CEP83: variants seen among roughly 807,000 people sequenced by gnomAD.
CEP83 encodes centrosomal protein 83, also known as centrosomal protein of 83 kDa.
Under a neutral mutation model 101.9 loss-of-function variants are expected in CEP83, and 70 were observed. That is an observed-to-expected ratio of 0.69 (90% CI 0.57 to 0.84). The LOEUF (loss-of-function observed/expected upper bound fraction) is 0.84, where lower values mean the gene tolerates loss of function less well. Among genes scored for constraint, CEP83 ranks in the 40% least tolerant of loss-of-function variants. The pLI is 0.00. For synonymous variants in CEP83, 264 were observed against 267.9 expected, an observed-to-expected ratio of 0.99 and a Z score of 0.14; for missense variants, 715 against 787.2, an observed-to-expected ratio of 0.91 and a Z score of 1.10.
At chr12:94,310,230 T>TA (rs1051385219) in intron 15 of CEP83, 123 bp from the exon 16 acceptor site, 27 of 377,882 alleles carry the variant, frequency 7.1e-5, no homozygotes, top group Admixed American at 7.1e-4. Context: ...AATATATAGA[T>TA]AAAAAATCTG....
At chr12:94,384,566 G>A (rs2062028268) in intron 6 of CEP83, among the ~76,000 whole-genome samples, 1 of 152,084 alleles carries the variant, frequency 6.6e-6, no homozygotes, top group African/African-American at 2.4e-5. Context: ...AGGATACTGA[G>A]AATCTGTTTA....
chr12:94,331,516 G>C (rs145510261), intron 14 of CEP83, among the ~76,000 whole-genome samples, 184 bp downstream of exon 14: 4 of 151,404 alleles, frequency 2.6e-5, no homozygotes, highest in Non-Finnish European at 4.4e-5. Flanking sequence ...ACAGGCGCCC[G>C]CCACTATGCC....
At chr12:94,430,394 T>C (rs2065530339) in intron 2 of CEP83, among the ~76,000 whole-genome samples, 1 of 150,912 alleles carries the variant, frequency 6.6e-6, no homozygotes, top group South Asian at 2.1e-4. Context: ...TCCTAGAATA[T>C]GAATGAGAAA....
chr12:94,329,109 G>T (rs2059097667), intron 14 of CEP83, among the ~76,000 whole-genome samples: 1 of 152,030 alleles, frequency 6.6e-6, no homozygotes, highest in Non-Finnish European at 1.5e-5. Context: ...ATTTCACTAT[G>T]ACTTAAATCA....
At chr12:94,355,394 G>A (rs544865030) in intron 11 of CEP83, among the ~76,000 whole-genome samples, 1 of 152,252 alleles carries the variant, frequency 6.6e-6, no homozygotes, top group South Asian at 2.1e-4. Context: ...TCAGGAGGCT[G>A]AGGCGGGAGA....
Position 94,315,632 on chromosome 12 carries a change from CTGCT to C in CEP83, c.1708-2619_1708-2616del, listed in dbSNP as rs201208388. Among the ~76,000 whole-genome samples, 119 of 151,834 alleles carry C rather than the reference CTGCT, an allele frequency of 7.8e-4. 1 individual carries two copies. In the East Asian group the frequency reaches 0.022, roughly 28 times the overall value. ...TTTTATAGTAGGAACTTTTTGCATC[CTGCT>C]TATCTTTATTATCCCAAGATCCTAA... is the stretch of plus-strand genomic sequence containing the variant. On this transcript the variant is annotated intron_variant, in intron 14 of 16. Transcript: ENST00000397809.
Position 94,314,736 on chromosome 12 carries a change from T to G in CEP83, c.1708-1719A>C, listed in dbSNP as rs555858148. ...CTCAGAAGGCTTCCTTATGCTCCTG[T>G]CTACCCTGGCAAAGGAACCACTCTT... On this transcript the variant is annotated intron_variant, in intron 14 of 16. Transcript: ENST00000397809. Among the ~76,000 whole-genome samples, 10 of 152,346 alleles carry G rather than the reference T, an allele frequency of 6.6e-5. No homozygotes were observed. The South Asian group carries it at 2.1e-3, about 32-fold the overall frequency.
intron 14 of CEP83, among the ~76,000 whole-genome samples, chr12:94,318,570 C>G (rs1329212517): frequency 6.6e-6 from 1 of 152,044 alleles, no homozygotes; most frequent in African/African-American, 2.4e-5. Flanking sequence ...ATGGCTCTCA[C>G]ATTTTGTAGT....
At position 94,412,530 on chromosome 12, in the gene CEP83, T is replaced by TTTG. The variant is rs771960009; in HGVS notation, c.-41_-40insCAA. 6.3e-7 allele frequency: 1 copy of TTTG among 1,587,286 alleles called. No individual in the cohort carries two copies. ...TGGCTTTCTTACTGTTTTAGTTTTC[T>TTTG]TTCCAAGGGTATTTCCCACTCCTTT... On this transcript the variant is annotated 5_prime_UTR_variant, in exon 3 of 17. Transcript: ENST00000397809.
the CEP83 span, among the ~76,000 whole-genome samples, chr12:94,291,369 G>A: frequency 0.75 from 114,830 of 152,110 alleles, 44,708 homozygotes; most frequent in East Asian, 0.97. Flanking sequence ...GACTACAGGC[G>A]TGTGCCACAA....
chr12:94,390,176 T>C lies in CEP83; in HGVS notation c.549+10674A>G, dbSNP rs527944511. 3.3e-4 allele frequency among the ~76,000 whole-genome samples: 51 copies of C among 152,284 alleles called. 1 individual carries two copies. In the South Asian group the frequency reaches 9.9e-3, roughly 30 times the overall value. On this transcript the variant is annotated intron_variant, in intron 6 of 16. Coordinates refer to ENST00000397809, the MANE Select transcript of CEP83 (RefSeq NM_016122.3). ...CAGACTGCCTCCTCAAGTGGGTCCC[T>C]GGCACCCGTGTAGCATAACTGGGAG...
intron 11 of CEP83, among the ~76,000 whole-genome samples, chr12:94,351,405 C>T (rs1250521226): frequency 2.6e-5 from 4 of 152,158 alleles, no homozygotes; most frequent in South Asian, 2.1e-4. Context: ...TTTTGAGAAC[C>T]GAGCCAATGC....
chr12:94,287,961 G>A, the CEP83 span, among the ~76,000 whole-genome samples: 495 of 152,290 alleles, frequency 3.3e-3, 3 homozygotes, highest in Non-Finnish European at 5.2e-3. Context: ...AAGAAACTTG[G>A]CCAGAGTCAC....
chr12:94,317,024 T>C (rs1025936067), intron 14 of CEP83, among the ~76,000 whole-genome samples: 2 of 152,188 alleles, frequency 1.3e-5, no homozygotes, highest in Non-Finnish European at 2.9e-5. Flanking sequence ...GTTGAACTAA[T>C]TTACACTCCC....
chr12:94,376,750 T>TTA (rs2061575550), intron 7 of CEP83, among the ~76,000 whole-genome samples: 2 of 145,286 alleles, frequency 1.4e-5, no homozygotes, highest in African/African-American at 5.2e-5. Context: ...TATATATATT[T>TTA]TTTTTTTGAG....
chr12:94,333,066 CAAAT>C (rs2059302225), intron 13 of CEP83, among the ~76,000 whole-genome samples: 1 of 90,788 alleles, frequency 1.1e-5, no homozygotes, highest in Non-Finnish European at 2.4e-5. Flanking sequence ...AAAAAAAAAA[CAAAT>C]AAATTAGCTT....
chr12:94,433,166 C>T (rs1665874426), intron 2 of CEP83, among the ~76,000 whole-genome samples: 1 of 152,062 alleles, frequency 6.6e-6, no homozygotes, highest in Non-Finnish European at 1.5e-5. Context: ...ATTCCATGGT[C>T]TTGGAGAGCC....
the CEP83 span, chr12:94,279,703 GCCTGCCCTCCCTC>G: frequency 5.4e-6 from 8 of 1,490,710 alleles, no homozygotes; most frequent in Non-Finnish European, 7.5e-6. Context: ...GTCCCTCCCT[GCCTGCCCTCCCTC>G]CCTGTCCCCC....
intron 6 of CEP83, among the ~76,000 whole-genome samples, chr12:94,399,695 G>A (rs1456317413): frequency 6.6e-6 from 1 of 152,144 alleles, no homozygotes; most frequent in Non-Finnish European, 1.5e-5. Context: ...CTGCATTCCA[G>A]CCTGGGCCAC....
Sources: allele counts gnomAD v4.1 joint callset (sites outside exome capture counted in the v4.1 genomes callset), GRCh38; gene constraint gnomAD v4.1.1; transcripts MANE v1.5; gene names NCBI Gene and HGNC (gene_info 2026-07-23, HGNC 2026-07-21).